The following SMARCD1 variants were observed in gnomAD, a reference collection of about 807,000 sequenced individuals.
SMARCD1 encodes SWI/SNF-related matrix-associated actin-dependent regulator of chromatin subfamily D member 1.
A neutral mutation model predicts 70.8 loss-of-function variants in SMARCD1; 16 were observed. The ratio of observed to expected loss-of-function variants is 0.23; its 90% confidence interval spans 0.15 to 0.34. The LOEUF is 0.34. SMARCD1 is among the 10% of genes least tolerant of loss of function. The pLI, the probability that SMARCD1 is intolerant of heterozygous loss-of-function variation, is 1.00. For missense variants in SMARCD1, 409 were observed against 655.5 expected, an observed-to-expected ratio of 0.62 and a Z score of 4.11; for synonymous variants, 249 against 246.0, an observed-to-expected ratio of 1.01 and a Z score of -0.11.
intron 3 of SMARCD1, 22 bp from the exon 4 acceptor site, chr12:50,086,734 A>G: frequency 6.2e-7 from 1 of 1,614,076 alleles, no homozygotes; most frequent in Non-Finnish European, 8.5e-7. Context: ...CCTAGATTTC[A>G]ATTAATTTTT....
intron 1 of SMARCD1, chr12:50,085,823 C>T (rs990261320): frequency 1.8e-5 from 7 of 392,242 alleles, no homozygotes; most frequent in Non-Finnish European, 2.7e-5. Context: ...GGGGCTTGAG[C>T]AGCTCCAGTG....
intron 9 of SMARCD1, among the ~76,000 whole-genome samples, chr12:50,091,576 TTTG>T (rs1950844181): frequency 7.0e-6 from 1 of 141,902 alleles, no homozygotes; most frequent in African/African-American, 2.7e-5. Flanking sequence ...CGCCCGGCCT[TTTG>T]TTTTGTTTTG....
chr12:50,086,520 T>C, intron 2 of SMARCD1, 101 bp from the exon 3 acceptor site: 1 of 976,178 alleles, frequency 1.0e-6, no homozygotes, highest in Non-Finnish European at 1.4e-6. Flanking sequence ...GAGAGAAGCT[T>C]TGCAGTCCCT....
At chr12:50,091,085 GC>G (rs1950839339) in intron 9 of SMARCD1, among the ~76,000 whole-genome samples, 1 of 151,898 alleles carries the variant, frequency 6.6e-6, no homozygotes, top group South Asian at 2.1e-4. Flanking sequence ...CTCGTGATCT[GC>G]CCGCCTCGGC....
At position 50,099,251 on chromosome 12, in the gene SMARCD1, A is replaced by G; in HGVS notation, c.*251A>G. The G allele has an allele frequency of 1.7e-6, 1 of 605,790 alleles. No homozygotes were observed. The highest frequency in any genetic ancestry group is 2.9e-6 in the Non-Finnish European group (1 of 340,478). The allele number at this position is 605,790 out of a possible 1,614,324, so 37.5% of individuals were successfully genotyped here. Reference sequence around the variant, plus strand: ...GCCTGTACCCTCCCCTGGTCTACATAGGACCTCTAGATAGTGTTAGAGAGA... The same window carrying G: ...GCCTGTACCCTCCCCTGGTCTACATGGGACCTCTAGATAGTGTTAGAGAGA... On this transcript the variant is annotated 3_prime_UTR_variant, in exon 13 of 13. Coordinates refer to ENST00000394963, the MANE Select transcript of SMARCD1 (RefSeq NM_003076.5).
intron 6 of SMARCD1, chr12:50,089,306 A>G (rs1243615657): frequency 5.9e-5 from 9 of 152,530 alleles, no homozygotes; most frequent in African/African-American, 2.2e-4. Flanking sequence ...ACCATCTAAT[A>G]AGGGAAGTAA....
intron 10 of SMARCD1, 138 bp from the exon 11 acceptor site, chr12:50,096,712 G>T: frequency 1.4e-6 from 1 of 691,962 alleles, no homozygotes. Flanking sequence ...AGCAGTTGGA[G>T]CTCTATATGA....
rs749628224 is a variant in SMARCD1, at chr12:50,097,891, C to CAAA, written c.1393-804_1393-802dup. Among the ~76,000 whole-genome samples, 24 of 42,102 alleles carry CAAA rather than the reference C, an allele frequency of 5.7e-4. 1 individual carries two copies. The highest frequency in any genetic ancestry group is 1.1e-3 in the African/African-American group (14 of 12,236). 27.6% of individuals were successfully genotyped at this position (42,102 alleles called of 152,430 possible). On this transcript the variant is annotated intron_variant, in intron 11 of 12. Transcript: ENST00000394963. ...TGGCTGACAGAGTGAGACTCCATCTCAAAAAAAAAAAAAAAAAAAAAGACA... is the reference window on the plus strand; with the variant it reads ...TGGCTGACAGAGTGAGACTCCATCTCAAAAAAAAAAAAAAAAAAAAAAAAGACA...
At chr12:50,088,394 AAG>A in intron 5 of SMARCD1, 125 bp from the exon 6 acceptor site, 1 of 705,444 alleles carries the variant, frequency 1.4e-6, no homozygotes, top group Admixed American at 2.2e-5. Context: ...TATCTCTCTT[AAG>A]AGATATTCAG....
At chr12:50,091,340 A>G (rs1388714026) in intron 9 of SMARCD1, among the ~76,000 whole-genome samples, 1 of 151,688 alleles carries the variant, frequency 6.6e-6, no homozygotes, top group Admixed American at 6.6e-5. Context: ...CAATGGCACA[A>G]TGTTGGCTCA....
At chr12:50,096,317 G>A (rs1363822595) in intron 10 of SMARCD1, among the ~76,000 whole-genome samples, 2 of 152,132 alleles carry the variant, frequency 1.3e-5, no homozygotes, top group African/African-American at 4.8e-5. Flanking sequence ...TTGGAGAAAC[G>A]GTAGTGAGTT....
In SMARCD1 at chr12:50,085,346, G is replaced by A. The variant is rs1248485664; in HGVS notation, c.-24G>A. The stretch of plus-strand genomic sequence containing the variant: ...GAGTTCCGGTTCCGGTTCTTTGTGC[G>A]GCTGCATCGGCGGCTCCGGGAAGAT... On this transcript the variant is annotated 5_prime_UTR_variant, in exon 1 of 13. Transcript: ENST00000394963. 5 of 1,261,756 alleles carry A rather than the reference G, an allele frequency of 4.0e-6. No individual in the cohort carries two copies. Among genetic ancestry groups the A allele is most frequent in the Non-Finnish European group, 5.0e-6 (5 of 1,005,346 alleles). 78.2% of individuals were successfully genotyped at this position (1,261,756 alleles called of 1,614,324 possible).
At chr12:50,097,343 G>A (rs577130222) in intron 11 of SMARCD1, among the ~76,000 whole-genome samples, 2 of 152,218 alleles carry the variant, frequency 1.3e-5, no homozygotes, top group South Asian at 4.1e-4. Flanking sequence ...TTGAGGTCAG[G>A]AGTTTGAGAC....
chr12:50,093,173 C>G (rs1349099521), intron 9 of SMARCD1, among the ~76,000 whole-genome samples: 6 of 150,420 alleles, frequency 4.0e-5, no homozygotes, highest in African/African-American at 1.5e-4. Context: ...AAGACTCCAT[C>G]TAAAAAAAAA....
chr12:50,099,880 A>G lies in SMARCD1; in HGVS notation c.*880A>G, dbSNP rs2137911013. On this transcript the variant is annotated 3_prime_UTR_variant, in exon 13 of 13. Coordinates refer to ENST00000394963, the MANE Select transcript of SMARCD1 (RefSeq NM_003076.5). ...CTGCCTCTGCATCCCTTAATGGAGAAACGGGCCTAAAACCAAACGGGTAAA... is the reference window on the plus strand; with the variant it reads ...CTGCCTCTGCATCCCTTAATGGAGAGACGGGCCTAAAACCAAACGGGTAAA... The G allele has an allele frequency of 6.5e-6, 1 of 152,906 alleles. No homozygotes were observed. The highest frequency in any genetic ancestry group is 1.5e-5 in the Non-Finnish European group (1 of 68,126). 9.5% of individuals were successfully genotyped at this position (152,906 alleles called of 1,614,324 possible). A position where few individuals can be genotyped will look rare whatever the true frequency, so the allele number is the denominator to read the frequency against.
In SMARCD1 at chr12:50,088,751, A is replaced by G. The variant is rs565354965; in HGVS notation, c.771+114A>G. 520 of 559,186 alleles carry G rather than the reference A, an allele frequency of 9.3e-4. 1 individual carries two copies. The highest frequency in any genetic ancestry group is 1.4e-3 in the Non-Finnish European group (449 of 313,300). 34.6% of individuals were successfully genotyped at this position (559,186 alleles called of 1,614,324 possible). A position where few individuals can be genotyped will look rare whatever the true frequency, so the allele number is the denominator to read the frequency against. ...TATAAAGTAGTCACTCTAGGTGTAC[A>G]CAGTACCGCTCCAGGTGTACAGTTT... On this transcript the variant is annotated intron_variant, in intron 6 of 12. Coordinates refer to ENST00000394963, the MANE Select transcript of SMARCD1 (RefSeq NM_003076.5).
chr12:50,085,566 G>A lies in SMARCD1; in HGVS notation c.177+20G>A. ...TATCCGGTGAGTGGGGCAGGAGGAG[G>A]GGCGCGCGGGCCGGGGGCGGGGCCG... is the stretch of plus-strand genomic sequence containing the variant. On this transcript the variant is annotated intron_variant, in intron 1 of 12. Transcript: ENST00000394963. 2.4e-6 allele frequency: 3 copies of A among 1,229,290 alleles called. No individual in the cohort carries two copies. Among genetic ancestry groups the A allele is most frequent in the Non-Finnish European group, 3.0e-6 (3 of 984,926 alleles). 76.1% of individuals were successfully genotyped at this position (1,229,290 alleles called of 1,614,324 possible). A position where few individuals can be genotyped will look rare whatever the true frequency, so the allele number is the denominator to read the frequency against.
chr12:50,098,915 A>T (rs1400794699), intron 12 of SMARCD1, 32 bp from the exon 13 acceptor site: 2 of 1,612,578 alleles, frequency 1.2e-6, no homozygotes, highest in African/African-American at 2.7e-5. Context: ...GGTTTGTCTC[A>T]TCTTCCACTC....
At chr12:50,095,734 T>C (rs902319694) in intron 10 of SMARCD1, among the ~76,000 whole-genome samples, 22 of 152,060 alleles carry the variant, frequency 1.4e-4, no homozygotes, top group Admixed American at 6.5e-5. Flanking sequence ...GAATAGGGCA[T>C]GTAAAGGTCC....
Sources: allele counts gnomAD v4.1 joint callset (sites outside exome capture counted in the v4.1 genomes callset), GRCh38; gene constraint gnomAD v4.1.1; transcripts MANE v1.5; gene names NCBI Gene and HGNC (gene_info 2026-07-23, HGNC 2026-07-21).